Variants in MTOR observed in about 807,000 individuals in gnomAD.
MTOR encodes the protein serine/threonine-protein kinase mTOR.
MTOR carries 70 observed loss-of-function variants against 319.8 expected under a neutral mutation model. The observed-to-expected ratio is 0.22, with a 90% CI of 0.18 to 0.27. The LOEUF (loss-of-function observed/expected upper bound fraction) is 0.27, where lower values mean the gene tolerates loss of function less well. Ranked by LOEUF, MTOR falls within the 10% of genes least tolerant of loss-of-function variation. MTOR has a pLI of 1.00. For synonymous variants in MTOR, 1,183 were observed against 1,211.4 expected, an observed-to-expected ratio of 0.98 and a Z score of 0.49; for missense variants, 1,890 against 3,274.4, an observed-to-expected ratio of 0.58 and a Z score of 10.32.
intron 18 of MTOR, among the ~76,000 whole-genome samples, chr1:11,229,600 G>A (rs1238237429): frequency 7.2e-5 from 11 of 152,132 alleles, no homozygotes; most frequent in Admixed American, 2.0e-4. Context: ...TACCAGAAGA[G>A]GAAGAAATGT....
intron 36 of MTOR, 33 bp downstream of exon 36, chr1:11,139,271 G>A (rs1643574129): frequency 1.3e-6 from 2 of 1,566,088 alleles, no homozygotes; most frequent in Non-Finnish European, 1.7e-6. Context: ...TTCTGGAGAA[G>A]GTGGTCTGTT....
At chr1:11,232,986 ATT>A in intron 15 of MTOR, 2 of 869,172 alleles carry the variant, frequency 2.3e-6, no homozygotes, top group Admixed American at 3.4e-5. Context: ...GACTTTCAGA[ATT>A]AAGCAATTCC....
intron 11 of MTOR, 43 bp from the exon 12 acceptor site, chr1:11,238,660 T>C: frequency 6.5e-7 from 1 of 1,532,708 alleles, no homozygotes; most frequent in South Asian, 1.2e-5. Flanking sequence ...ACACTGCTGC[T>C]GTAGACAGGT....
chr1:11,232,657 C>T (rs1005745829), intron 15 of MTOR, 129 bp from the exon 16 acceptor site: 5 of 662,980 alleles, frequency 7.5e-6, no homozygotes, highest in African/African-American at 7.3e-5. Flanking sequence ...GGCAGATCAC[C>T]TGGCATCAGG....
intron 9 of MTOR, 98 bp from the exon 10 acceptor site, chr1:11,241,779 C>T: frequency 2.1e-6 from 3 of 1,420,340 alleles, no homozygotes; most frequent in South Asian, 1.3e-5. Flanking sequence ...GTTACTCAGG[C>T]AGGGCTACCA....
At chr1:11,220,161 G>A (rs1287518704) in intron 19 of MTOR, among the ~76,000 whole-genome samples, 4 of 151,388 alleles carry the variant, frequency 2.6e-5, no homozygotes, top group African/African-American at 9.7e-5. Context: ...TCACATTCAG[G>A]AAGCCCTCCA....
Position 11,141,111 on chromosome 1 carries a change from TA to T in MTOR, c.4873-1454del, listed in dbSNP as rs369263262. Among the ~76,000 whole-genome samples, 73 of 152,232 alleles carry T rather than the reference TA, an allele frequency of 4.8e-4. No homozygotes were observed. The Middle Eastern group carries it at 0.01, about 21-fold the overall frequency. On this transcript the variant is annotated intron_variant, in intron 34 of 57. Coordinates refer to ENST00000361445, the MANE Select transcript of MTOR (RefSeq NM_004958.4). ...GGGAAATGCTTCATTTAGTTACACT[TA>T]GAAATTCTTCTTTCTTTTTTTTTGA... is the stretch of plus-strand genomic sequence containing the variant.
chr1:11,169,835 A>G (rs1028470206), intron 28 of MTOR, among the ~76,000 whole-genome samples: 2 of 152,320 alleles, frequency 1.3e-5, no homozygotes, highest in East Asian at 1.9e-4. Flanking sequence ...TGAACATGCA[A>G]TTGCTAAGCA....
At chr1:11,134,931 A>G (rs1045346540) in intron 36 of MTOR, among the ~76,000 whole-genome samples, 2 of 152,278 alleles carry the variant, frequency 1.3e-5, no homozygotes, top group African/African-American at 2.4e-5. Context: ...AAAATCATAT[A>G]GCACCCAAAT....
chr1:11,112,700 C>T (rs1370235506), intron 54 of MTOR, 152 bp downstream of exon 54: 2 of 768,580 alleles, frequency 2.6e-6, no homozygotes. Context: ...CACCCACTGA[C>T]TGAAGCCCAC....
intron 4 of MTOR, 31 bp from the exon 5 acceptor site, chr1:11,256,223 T>C (rs965546956): frequency 3.8e-6 from 6 of 1,598,572 alleles, no homozygotes; most frequent in South Asian, 1.1e-5. Context: ...AGAACTCTCA[T>C]TGGTACCAGA....
At chr1:11,164,546 AG>A (rs1355581802) in intron 29 of MTOR, among the ~76,000 whole-genome samples, 2 of 152,316 alleles carry the variant, frequency 1.3e-5, no homozygotes, top group East Asian at 1.9e-4. Flanking sequence ...CTAAACCAGT[AG>A]GAAGTTGAAT....
chr1:11,193,743 G>T lies in MTOR; in HGVS notation c.4253+5515C>A. ...AACGAACACATCCACCGGCTCTCCA[G>T]ACAGCCAACCCGGCTGCGTGTAGAG... On this transcript the variant is annotated intron_variant, in intron 28 of 57. Transcript: ENST00000361445. 6.2e-7 allele frequency: 1 copy of T among 1,614,138 alleles called. No homozygotes were observed. Among genetic ancestry groups the T allele is most frequent in the Admixed American group, 1.7e-5 (1 of 60,012 alleles).
Position 11,199,428 on chromosome 1 carries a change from C to G in MTOR, c.4108-25G>C, listed in dbSNP as rs759492351. ...CCTGGAGAAGAGCAAAACCTCACAG[C>G]ACAGGAAAATGGCAGATGGGGCACA... is the stretch of plus-strand genomic sequence containing the variant. On this transcript the variant is annotated intron_variant, in intron 27 of 57. Transcript: ENST00000361445. The surrounding 1 kb of genome is among the most constrained non-coding windows in gnomAD (Gnocchi z 4.5). 14 of 1,614,024 alleles carry G rather than the reference C, an allele frequency of 8.7e-6. No individual in the cohort carries two copies. In the Admixed American group the frequency reaches 2.3e-4, roughly 27 times the overall value.
chr1:11,174,623 T>C (rs79916474), intron 28 of MTOR, among the ~76,000 whole-genome samples: 1,613 of 152,294 alleles, frequency 0.011, 38 homozygotes, highest in African/African-American at 0.038. Context: ...AAGCCGTCCT[T>C]TGAATTATGT....
rs376355716 is a variant in MTOR at position 11,200,507 on chromosome 1, C to T, written c.3945-804G>A. Among the ~76,000 whole-genome samples the T allele has an allele frequency of 2.6e-4, 39 of 152,260 alleles. No homozygotes were observed. The South Asian group carries it at 7.7e-3, about 30-fold the overall frequency. On this transcript the variant is annotated intron_variant, in intron 26 of 57. Transcript: ENST00000361445. ...CCTTACATCTAACATTAATTCTGTC[C>T]TCCCCACTGTTCTGGTGACTGTGCG... is the stretch of plus-strand genomic sequence containing the variant.
chr1:11,226,609 G>A (rs1646846508), intron 19 of MTOR, among the ~76,000 whole-genome samples: 1 of 151,844 alleles, frequency 6.6e-6, no homozygotes, highest in African/African-American at 2.4e-5. Context: ...TGGGCAACAT[G>A]GCGAAACCCA....
Position 11,117,084 on chromosome 1 carries a change from C to T in MTOR, c.6936G>A (p.Val2312=), listed in dbSNP as rs763483065. Residue 2312 remains valine, a splice_region_variant and synonymous_variant, in exon 50 of 58, where the codon GTG becomes GTA. Coordinates refer to ENST00000361445, the MANE Select transcript of MTOR (RefSeq NM_004958.4). ...LLWLKSPSSE[V]WFDRRTNYTR... ...TATAATTGGTTCTTCGGTCAAACCA[C>T]ACCTAGAACACAGGAGTGCATGTGA... 2 of 1,608,526 alleles carry T rather than the reference C, an allele frequency of 1.2e-6. No individual in the cohort carries two copies. Among genetic ancestry groups the T allele is most frequent in the Non-Finnish European group, 1.7e-6 (2 of 1,178,396 alleles).
chr1:11,225,080 GT>G (rs201238354), intron 19 of MTOR, among the ~76,000 whole-genome samples: 486 of 152,132 alleles, frequency 3.2e-3, no homozygotes, highest in African/African-American at 0.011. Context: ...TGGACAGGAG[GT>G]TTTTTTGCTG....
Sources: allele counts gnomAD v4.1 joint callset (sites outside exome capture counted in the v4.1 genomes callset), GRCh38; gene constraint gnomAD v4.1.1; non-coding constraint Gnocchi (gnomAD v3.1); transcripts MANE v1.5; gene names NCBI Gene and HGNC (gene_info 2026-07-23, HGNC 2026-07-21).